Variants in CBLN2 observed in about 807,000 individuals in gnomAD.
CBLN2 encodes cerebellin 2 precursor, also known as cerebellin-2.
In CBLN2, 7 loss-of-function variants were observed where a neutral mutation model predicts 15.0. The ratio of observed to expected loss-of-function variants is 0.47; its 90% confidence interval spans 0.27 to 0.88. CBLN2 has a LOEUF of 0.88. CBLN2 is among the 40% of genes least tolerant of loss of function. CBLN2 has a pLI of 0.14. For missense variants in CBLN2, 242 were observed against 304.5 expected, an observed-to-expected ratio of 0.79 and a Z score of 1.53; for synonymous variants, 149 against 135.2, an observed-to-expected ratio of 1.10 and a Z score of -0.71.
chr18:72,538,634 C>T lies in CBLN2; in HGVS notation c.477+19G>A, dbSNP rs1418422092. The T allele has an allele frequency of 6.2e-7, 1 of 1,613,028 alleles. No homozygotes were observed. Among genetic ancestry groups the T allele is most frequent in the East Asian group, 2.2e-5 (1 of 44,862 alleles). On this transcript the variant is annotated intron_variant, in intron 4 of 4. Coordinates refer to ENST00000269503, the MANE Select transcript of CBLN2 (RefSeq NM_182511.4). The stretch of plus-strand genomic sequence containing the variant: ...CTATTAACTCAAACCTGAAAGGATC[C>T]AGTTTCAAATCTACCCACCTGGATG...
intron 1 of CBLN2, among the ~76,000 whole-genome samples, chr18:72,577,370 C>G (rs1176882026): frequency 1.3e-5 from 2 of 152,030 alleles, no homozygotes; most frequent in Non-Finnish European, 2.9e-5. Flanking sequence ...ACAAGTGTAT[C>G]ATTTTATTCT....
chr18:72,598,740 G>A (rs1389348364), intron 1 of CBLN2, among the ~76,000 whole-genome samples: 1 of 152,200 alleles, frequency 6.6e-6, no homozygotes, highest in Non-Finnish European at 1.5e-5. Flanking sequence ...CCACTCAGAT[G>A]GACGATTTGC....
At chr18:72,584,764 C>T (rs1374582660) in intron 1 of CBLN2, among the ~76,000 whole-genome samples, 1 of 152,138 alleles carries the variant, frequency 6.6e-6, no homozygotes, top group African/African-American at 2.4e-5. Context: ...AATATATAAA[C>T]CTTAAAGTGT....
intron 1 of CBLN2, among the ~76,000 whole-genome samples, chr18:72,631,517 A>T (rs1433203404): frequency 6.6e-6 from 1 of 152,070 alleles, no homozygotes; most frequent in African/African-American, 2.4e-5. Context: ...TCCACAAAGC[A>T]CTTTCTGGAA....
chr18:72,562,942 T>G (rs555079203), intron 1 of CBLN2, among the ~76,000 whole-genome samples: 95 of 152,370 alleles, frequency 6.2e-4, no homozygotes, highest in Non-Finnish European at 1.2e-3. Context: ...ATATTGAACC[T>G]AGAATTCCTT....
rs375031888 is a variant in CBLN2 at position 72,576,205 on chromosome 18, A to G, written c.16-37433T>C. ...TGGCCTTAGAACATGTGGTTTATTAATGGTGACTTTGCTTCCTATTCTGTT... is the reference window on the plus strand; with the variant it reads ...TGGCCTTAGAACATGTGGTTTATTAGTGGTGACTTTGCTTCCTATTCTGTT... On this transcript the variant is annotated intron_variant, in intron 1 of 2. Coordinates refer to the CBLN2 transcript ENST00000581073. 2.6e-5 allele frequency among the ~76,000 whole-genome samples: 4 copies of G among 152,314 alleles called. No individual in the cohort carries two copies. In the East Asian group the frequency reaches 5.8e-4, roughly 22 times the overall value.
chr18:72,590,486 G>A (rs2069473506), intron 1 of CBLN2, among the ~76,000 whole-genome samples: 1 of 152,024 alleles, frequency 6.6e-6, no homozygotes, highest in Admixed American at 6.6e-5. Context: ...GATATGAAAA[G>A]TAATAGAAAT....
At chr18:72,563,585 C>T (rs2069275199) in intron 1 of CBLN2, among the ~76,000 whole-genome samples, 1 of 152,190 alleles carries the variant, frequency 6.6e-6, no homozygotes. Flanking sequence ...AAAAAAGACT[C>T]TGCTCCTGCC....
chr18:72,635,844 G>A (rs976529301), intron 1 of CBLN2, among the ~76,000 whole-genome samples: 27 of 151,932 alleles, frequency 1.8e-4, no homozygotes, highest in African/African-American at 5.1e-4. Context: ...AAGTGTCAGG[G>A]ATCATATGTA....
chr18:72,602,905 G>A (rs1214530849), intron 1 of CBLN2, among the ~76,000 whole-genome samples: 1 of 152,150 alleles, frequency 6.6e-6, no homozygotes, highest in African/African-American at 2.4e-5. Context: ...TACTGGCTTT[G>A]TTTCTCTGGT....
chr18:72,581,521 G>A (rs2069404732), intron 1 of CBLN2, among the ~76,000 whole-genome samples: 1 of 152,138 alleles, frequency 6.6e-6, no homozygotes. Flanking sequence ...TAAATCATTA[G>A]AATATCCCAC....
intron 1 of CBLN2, among the ~76,000 whole-genome samples, chr18:72,625,758 G>A (rs1444879259): frequency 7.7e-6 from 1 of 129,068 alleles, no homozygotes; most frequent in East Asian, 2.2e-4. Flanking sequence ...AAATGCTGAA[G>A]AGTATATATA....
At chr18:72,630,564 C>CAGAGAG (rs368831135) in intron 1 of CBLN2, among the ~76,000 whole-genome samples, 10 of 135,602 alleles carry the variant, frequency 7.4e-5, no homozygotes, top group South Asian at 5.2e-4. Flanking sequence ...CACACACATG[C>CAGAGAG]AGAGAGAGAG....
At chr18:72,590,501 A>T (rs1381935336) in intron 1 of CBLN2, among the ~76,000 whole-genome samples, 2 of 152,328 alleles carry the variant, frequency 1.3e-5, no homozygotes, top group Non-Finnish European at 1.5e-5. Flanking sequence ...AGAAATTAAT[A>T]CAATCATTGA....
At chr18:72,598,485 T>C (rs2069527107) in intron 1 of CBLN2, among the ~76,000 whole-genome samples, 1 of 152,200 alleles carries the variant, frequency 6.6e-6, no homozygotes, top group South Asian at 2.1e-4. Context: ...AGGCCTCTCC[T>C]GGAGCAGTGA....
At chr18:72,616,854 G>T (rs891881225) in intron 1 of CBLN2, among the ~76,000 whole-genome samples, 1 of 152,098 alleles carries the variant, frequency 6.6e-6, no homozygotes, top group African/African-American at 2.4e-5. Flanking sequence ...CTGAATTTCT[G>T]TGTGTGTCTG....
chr18:72,541,489 T>C (rs944367707), intron 3 of CBLN2, among the ~76,000 whole-genome samples: 3 of 152,236 alleles, frequency 2.0e-5, no homozygotes, highest in African/African-American at 7.2e-5. Flanking sequence ...AAACGTGCAA[T>C]GCTTCCTTTT....
intron 1 of CBLN2, among the ~76,000 whole-genome samples, chr18:72,556,555 G>A (rs1434439398): frequency 6.6e-6 from 1 of 152,190 alleles, no homozygotes; most frequent in African/African-American, 2.4e-5. Flanking sequence ...GGTGTGGTTG[G>A]AGGAAGAGGT....
intron 1 of CBLN2, among the ~76,000 whole-genome samples, chr18:72,637,970 A>G (rs879476505): frequency 3.9e-5 from 6 of 152,238 alleles, no homozygotes; most frequent in Non-Finnish European, 8.8e-5. Context: ...ACGACGGAGC[A>G]GAATGTGAAC....
Sources: gnomAD v4.1 joint callset for allele counts (sites outside exome capture counted in the v4.1 genomes callset) on GRCh38, gnomAD v4.1.1 for gene constraint, MANE v1.5 for transcripts, NCBI Gene and HGNC (gene_info 2026-07-23, HGNC 2026-07-21) for gene names.